Variants in PDZD2 observed in about 807,000 individuals in gnomAD.
The protein encoded by PDZD2 is PDZ domain-containing protein 2.
PDZD2 carries 90 observed loss-of-function variants against 220.7 expected under a neutral mutation model. The ratio of observed to expected loss-of-function variants is 0.41; its 90% confidence interval spans 0.34 to 0.49. PDZD2 has a LOEUF of 0.49. PDZD2 is among the 20% of genes least tolerant of loss of function. The pLI, the probability that PDZD2 is intolerant of heterozygous loss-of-function variation, is 0.28. For missense variants in PDZD2, 3,174 were observed against 3,608.5 expected, an observed-to-expected ratio of 0.88 and a Z score of 3.08; for synonymous variants, 1,375 against 1,450.5, an observed-to-expected ratio of 0.95 and a Z score of 1.18.
At chr5:31,779,178 A>G (rs1286766983) in intron 1 of PDZD2, among the ~76,000 whole-genome samples, 1 of 151,934 alleles carries the variant, frequency 6.6e-6, no homozygotes, top group Non-Finnish European at 1.5e-5. Context: ...ACCACTGCAC[A>G]CACCCTGCAC....
chr5:31,725,890 A>G (rs1749097962), intron 1 of PDZD2: 5 of 738,424 alleles, frequency 6.8e-6, no homozygotes, highest in Non-Finnish European at 1.2e-5. Flanking sequence ...TTCTAGGACT[A>G]TACAATCTCT....
At chr5:32,014,939 CTTTT>C (rs746683258) in intron 6 of PDZD2, among the ~76,000 whole-genome samples, 18 of 94,010 alleles carry the variant, frequency 1.9e-4, no homozygotes, top group Admixed American at 4.0e-4. Context: ...CAATCTCTCT[CTTTT>C]TTTTTTTTTT....
At chr5:31,789,495 T>C (rs1753574871) in intron 1 of PDZD2, among the ~76,000 whole-genome samples, 1 of 152,236 alleles carries the variant, frequency 6.6e-6, no homozygotes, top group Non-Finnish European at 1.5e-5. Context: ...CCAAGCCTCA[T>C]CCAGGTAGCA....
intron 2 of PDZD2, among the ~76,000 whole-genome samples, chr5:31,947,671 G>T (rs1746764140): frequency 1.3e-5 from 2 of 152,288 alleles, no homozygotes; most frequent in South Asian, 4.1e-4. Context: ...GCAAAAATTA[G>T]CTGGGCGTGG....
chr5:31,951,649 A>G (rs1210408069), intron 2 of PDZD2, among the ~76,000 whole-genome samples: 1 of 152,214 alleles, frequency 6.6e-6, no homozygotes, highest in Non-Finnish European at 1.5e-5. Context: ...CTTTGTATAC[A>G]TGTGCCACAG....
rs561731100 is a variant in PDZD2, at chr5:31,735,754, G to A, written c.-360-63135G>A. ...GAGGTCAAGAGATCGAGATCATCCTGGCCAACATGGTGAAACCCCGTCTCT... is the reference window on the plus strand; with the variant it reads ...GAGGTCAAGAGATCGAGATCATCCTAGCCAACATGGTGAAACCCCGTCTCT... On this transcript the variant is annotated intron_variant, in intron 1 of 24. Coordinates refer to ENST00000438447, the MANE Select transcript of PDZD2 (RefSeq NM_178140.4). Among the ~76,000 whole-genome samples, 7 of 152,294 alleles carry A rather than the reference G, an allele frequency of 4.6e-5. No individual in the cohort carries two copies. In the South Asian group the frequency reaches 1.4e-3, roughly 32 times the overall value.
At chr5:31,786,590 A>G (rs575082429) in intron 1 of PDZD2, among the ~76,000 whole-genome samples, 25 of 152,110 alleles carry the variant, frequency 1.6e-4, no homozygotes, top group Admixed American at 1.6e-3. Context: ...TGCAGTTCAA[A>G]ACTTCCATGG....
chr5:31,865,866 C>T (rs374719987), intron 2 of PDZD2, among the ~76,000 whole-genome samples: 6 of 150,988 alleles, frequency 4.0e-5, no homozygotes, highest in Admixed American at 2.6e-4. Flanking sequence ...CTCCTGACCT[C>T]GTGATCTGCC....
intron 1 of PDZD2, among the ~76,000 whole-genome samples, chr5:31,782,139 C>G (rs1465574148): frequency 6.6e-6 from 1 of 152,140 alleles, no homozygotes; most frequent in African/African-American, 2.4e-5. Flanking sequence ...GGCAGACAGA[C>G]ATGCAGGTCA....
chr5:31,869,422 G>A (rs1182273311), intron 2 of PDZD2, among the ~76,000 whole-genome samples: 1 of 152,104 alleles, frequency 6.6e-6, no homozygotes, highest in Non-Finnish European at 1.5e-5. Context: ...AATTAGCCGG[G>A]CGTGGTGGCG....
In PDZD2 at chr5:32,087,711, G is replaced by T. The variant is rs185507356; in HGVS notation, c.4263G>T (p.Glu1421Asp). Residue 1421 changes from glutamate (E) to aspartate (D), a missense_variant, in exon 20 of 25, where the codon GAG becomes GAT. Transcript: ENST00000438447. This position sits in a 1 kb window ranked among gnomAD's most constrained non-coding sequence, Gnocchi z 4.0. ...SGHCCPGGSRESPVTDIDSFI... is the reference protein window; with the variant it reads ...SGHCCPGGSRDSPVTDIDSFI... ...ACTGCTGCCCAGGGGGGAGTAGAGA[G>T]AGCCCTGTGACGGACATTGACAGCT... 6 of 1,613,932 alleles carry T rather than the reference G, an allele frequency of 3.7e-6. No homozygotes were observed. In the African/African-American group the frequency reaches 8.0e-5, roughly 22 times the overall value.
intron 2 of PDZD2, among the ~76,000 whole-genome samples, chr5:31,883,953 A>G (rs1740183766): frequency 6.6e-6 from 1 of 152,100 alleles, no homozygotes; most frequent in South Asian, 2.1e-4. Flanking sequence ...TGGCTCCCGC[A>G]TGTTATCCCA....
At chr5:31,676,182 GTATT>G (rs1212379793) in intron 1 of PDZD2, among the ~76,000 whole-genome samples, 3 of 152,128 alleles carry the variant, frequency 2.0e-5, no homozygotes, top group Non-Finnish European at 4.4e-5. Flanking sequence ...ATTTATTCAT[GTATT>G]TATTTATTCA....
intron 3 of PDZD2, among the ~76,000 whole-genome samples, chr5:31,986,666 G>A (rs1040536356): frequency 1.6e-5 from 2 of 123,104 alleles, no homozygotes; most frequent in Admixed American, 8.8e-5. Flanking sequence ...GGGCGGGGGG[G>A]AATTTCATTC....
intron 2 of PDZD2, among the ~76,000 whole-genome samples, chr5:31,891,407 C>A (rs1242734249): frequency 6.6e-6 from 1 of 152,090 alleles, no homozygotes; most frequent in Non-Finnish European, 1.5e-5. Context: ...ACTTCGCCTC[C>A]CAGGTTCAAG....
chr5:31,685,781 C>T (rs1746831597), intron 1 of PDZD2, among the ~76,000 whole-genome samples: 2 of 152,182 alleles, frequency 1.3e-5, no homozygotes. Flanking sequence ...GCCTTGGCTT[C>T]CCACAGTGGG....
intron 1 of PDZD2, among the ~76,000 whole-genome samples, chr5:31,778,657 A>G (rs530097858): frequency 3.2e-4 from 48 of 152,342 alleles, no homozygotes; most frequent in Non-Finnish European, 5.9e-4. Flanking sequence ...AATTCCGGAC[A>G]TACCGTCTTT....
At chr5:31,661,875 T>A (rs1047442968) in intron 1 of PDZD2, among the ~76,000 whole-genome samples, 4 of 148,408 alleles carry the variant, frequency 2.7e-5, no homozygotes. Context: ...CAGGGGAAGA[T>A]GATGGGAGAG....
At chr5:31,852,806 A>G (rs1758135344) in intron 2 of PDZD2, among the ~76,000 whole-genome samples, 1 of 152,186 alleles carries the variant, frequency 6.6e-6, no homozygotes. Context: ...CATGTTGGTC[A>G]GGCTGGTCTC....
Sources: allele counts gnomAD v4.1 joint callset (sites outside exome capture counted in the v4.1 genomes callset), GRCh38; gene constraint gnomAD v4.1.1; non-coding constraint Gnocchi (gnomAD v3.1); transcripts MANE v1.5; gene names NCBI Gene and HGNC (gene_info 2026-07-23, HGNC 2026-07-21).